Variants in MALRD1 observed in about 807,000 individuals in gnomAD.
The protein encoded by MALRD1 is MAM and LDL-receptor class A domain-containing protein 1.
A neutral mutation model predicts 242.1 loss-of-function variants in MALRD1; 247 were observed. The observed-to-expected ratio is 1.02, with a 90% CI of 0.92 to 1.13. MALRD1 has a LOEUF of 1.13. Ranked by LOEUF, MALRD1 falls within the 50% of genes most tolerant of loss-of-function variation. MALRD1 has a pLI of 0.00. For synonymous variants in MALRD1, 995 were observed against 866.6 expected (o/e 1.15, Z -2.60); for missense variants, 2,989 against 2,533.1 (o/e 1.18, Z -3.86).
Position 19,373,150 on chromosome 10 carries a change from C to G in MALRD1, c.4442-14378C>G, listed in dbSNP as rs537233703. On this transcript the variant is annotated intron_variant, in intron 26 of 39. Coordinates refer to ENST00000454679, the MANE Select transcript of MALRD1 (RefSeq NM_001142308.3). ...ACAAAGCAGAAAAATAAAAGTTGCT[C>G]TCATTTTTTTTTCCAGAATGTTTCC... 7.0e-5 allele frequency among the ~76,000 whole-genome samples: 4 copies of G among 56,838 alleles called. No homozygotes were observed. The East Asian group carries it at 1.1e-3, about 15-fold the overall frequency. The allele number at this position is 56,838 out of a possible 152,430, so 37.3% of individuals were successfully genotyped here.
chr10:19,047,662 C>T (rs1437671536), upstream of MALRD1, among the ~76,000 whole-genome samples: 1 of 152,000 alleles, frequency 6.6e-6, no homozygotes, highest in Non-Finnish European at 1.5e-5. Context: ...GGCTGAAGCA[C>T]AGTGCAACAA....
chr10:19,457,009 T>C (rs1835695543), intron 29 of MALRD1, among the ~76,000 whole-genome samples: 1 of 152,094 alleles, frequency 6.6e-6, no homozygotes, highest in African/African-American at 2.4e-5. Flanking sequence ...AAAGTTACTA[T>C]ATGCCAAGTG....
intron 18 of MALRD1, among the ~76,000 whole-genome samples, chr10:19,238,531 ACATTATATATAATATATAATGTATATT>A (rs1838575983): frequency 1.9e-5 from 2 of 102,638 alleles, no homozygotes; most frequent in South Asian, 5.0e-4. Flanking sequence ...TATATAATAT[ACATTATATATAATATATAATGTATATT>A]ATATATAATA....
rs997491197 is a variant in MALRD1, at chr10:19,634,933, G to T, written c.6137+19010G>T. Among the ~76,000 whole-genome samples the T allele has an allele frequency of 2.6e-5, 4 of 152,132 alleles. 1 individual carries two copies. Among genetic ancestry groups the T allele is most frequent in the Non-Finnish European group, 5.9e-5 (4 of 68,036 alleles). On this transcript the variant is annotated intron_variant, in intron 36 of 39. Transcript: ENST00000454679. ...AGGTTCACCAGATGAAACTGGATGT[G>T]CAAGCAACATCCTGTACCCCTGAAA...
rs1328601518 is a variant in MALRD1, at chr10:19,237,542, A to T, written c.2992-20142A>T. ...TATATATATATATATATATAATTTT[A>T]TGTATAATTATAATTACACATAAAA... is the stretch of plus-strand genomic sequence containing the variant. On this transcript the variant is annotated intron_variant, in intron 18 of 39. Transcript: ENST00000454679. Among the ~76,000 whole-genome samples the T allele has an allele frequency of 2.3e-5, 3 of 130,756 alleles. No homozygotes were observed. The East Asian group carries it at 6.3e-4, about 27-fold the overall frequency. 85.8% of individuals were successfully genotyped at this position (130,756 alleles called of 152,430 possible).
intron 38 of MALRD1, chr10:19,710,806 A>G (rs570863406): frequency 8.5e-5 from 13 of 152,346 alleles, no homozygotes; most frequent in African/African-American, 3.1e-4. Flanking sequence ...CTCTATTCAC[A>G]GTAAATCTTA....
At chr10:19,524,974 G>C (rs982484285) in intron 31 of MALRD1, among the ~76,000 whole-genome samples, 11 of 151,722 alleles carry the variant, frequency 7.3e-5, no homozygotes, top group African/African-American at 2.7e-4. Flanking sequence ...CATAATCTCG[G>C]CTTACTGCAA....
At chr10:19,682,792 C>T (rs921175473) in intron 36 of MALRD1, among the ~76,000 whole-genome samples, 1 of 152,190 alleles carries the variant, frequency 6.6e-6, no homozygotes, top group Non-Finnish European at 1.5e-5. Context: ...GCATATGGCC[C>T]AGAAAACACT....
At chr10:19,269,343 G>T (rs72796438) in intron 19 of MALRD1, among the ~76,000 whole-genome samples, 15,005 of 152,222 alleles carry the variant, frequency 0.099, 752 homozygotes, top group Middle Eastern at 0.12. Flanking sequence ...GAGCTCTCAC[G>T]CGCTCTCTCG....
intron 28 of MALRD1, among the ~76,000 whole-genome samples, chr10:19,405,557 C>T (rs1230132898): frequency 1.3e-5 from 2 of 152,120 alleles, no homozygotes; most frequent in African/African-American, 4.8e-5. Context: ...TGGTCCCATC[C>T]ATCAGTTCAA....
intron 1 of MALRD1, among the ~76,000 whole-genome samples, chr10:19,050,713 C>A (rs1834467792): frequency 6.6e-6 from 1 of 152,192 alleles, no homozygotes; most frequent in Non-Finnish European, 1.5e-5. Flanking sequence ...GGGCTTGTTG[C>A]ACCTTGCTCT....
chr10:19,372,944 G>T (rs188947499), intron 26 of MALRD1, among the ~76,000 whole-genome samples: 2 of 151,808 alleles, frequency 1.3e-5, no homozygotes, highest in African/African-American at 2.4e-5. Context: ...TATATTTTTC[G>T]CTATCATTAT....
chr10:19,358,193 CAAGTGT>C (rs1324398348), intron 26 of MALRD1, among the ~76,000 whole-genome samples: 22 of 89,670 alleles, frequency 2.5e-4, no homozygotes, highest in African/African-American at 5.9e-4. Flanking sequence ...GGGCAGGAGT[CAAGTGT>C]GTGTGTGTGT....
intron 14 of MALRD1, among the ~76,000 whole-genome samples, chr10:19,182,335 T>C (rs1376184699): frequency 7.0e-6 from 1 of 141,992 alleles, no homozygotes; most frequent in Non-Finnish European, 1.5e-5. Flanking sequence ...TTTTTTTTTT[T>C]TTTTTTTTTT....
At chr10:19,636,582 T>G (rs1840134697) in intron 36 of MALRD1, among the ~76,000 whole-genome samples, 1 of 151,988 alleles carries the variant, frequency 6.6e-6, no homozygotes, top group African/African-American at 2.4e-5. Context: ...GAAAAATACA[T>G]TTCTAGGGTT....
intron 31 of MALRD1, among the ~76,000 whole-genome samples, chr10:19,513,583 C>G (rs1257293706): frequency 6.6e-6 from 1 of 151,674 alleles, no homozygotes; most frequent in Non-Finnish European, 1.5e-5. Context: ...ACTAAAAATA[C>G]AAAAAATTAG....
At chr10:19,182,066 A>T (rs12245761) in intron 14 of MALRD1, among the ~76,000 whole-genome samples, 45,692 of 151,612 alleles carry the variant, frequency 0.3, 7,204 homozygotes, top group Admixed American at 0.37. Context: ...ATTTCTTAAG[A>T]TGTTTTCTAG....
Position 19,124,689 on chromosome 10 carries a change from T to A in MALRD1, c.943+19T>A, listed in dbSNP as rs1837190776. On this transcript the variant is annotated intron_variant, in intron 7 of 39. Coordinates refer to ENST00000454679, the MANE Select transcript of MALRD1 (RefSeq NM_001142308.3). ...GATGAAGGTAGAAAAAAAAATAATATCTTTTATGTATTACTTTCAGAATTC... is the reference window on the plus strand; with the variant it reads ...GATGAAGGTAGAAAAAAAAATAATAACTTTTATGTATTACTTTCAGAATTC... The A allele has an allele frequency of 8.1e-7, 1 of 1,232,822 alleles. No individual in the cohort carries two copies. Among genetic ancestry groups the A allele is most frequent in the Admixed American group, 4.2e-5 (1 of 23,678 alleles). 76.4% of individuals were successfully genotyped at this position (1,232,822 alleles called of 1,614,324 possible).
At chr10:19,733,776 A>G (rs1344108170) in intron 39 of MALRD1, among the ~76,000 whole-genome samples, 1 of 151,148 alleles carries the variant, frequency 6.6e-6, no homozygotes, top group Non-Finnish European at 1.5e-5. Flanking sequence ...ATTTAAACTT[A>G]TATAAAATGC....
Sources: gnomAD v4.1 joint callset for allele counts (sites outside exome capture counted in the v4.1 genomes callset) on GRCh38, gnomAD v4.1.1 for gene constraint, MANE v1.5 for transcripts, NCBI Gene and HGNC (gene_info 2026-07-23, HGNC 2026-07-21) for gene names.